The following RXFP1 variants were observed in gnomAD, a reference collection of about 807,000 sequenced individuals.
RXFP1 encodes relaxin family peptide receptor 1.
Under a neutral mutation model 89.8 loss-of-function variants are expected in RXFP1, and 73 were observed. The ratio of observed to expected loss-of-function variants is 0.81; its 90% confidence interval spans 0.67 to 0.99. The LOEUF is 0.99. RXFP1 is among the 50% of genes least tolerant of loss of function. The pLI, the probability that RXFP1 is intolerant of heterozygous loss-of-function variation, is 0.00. For synonymous variants in RXFP1, 277 were observed against 305.5 expected (o/e 0.91, Z 0.97); for missense variants, 793 against 895.5 (o/e 0.89, Z 1.46).
intron 13 of RXFP1, among the ~76,000 whole-genome samples, chr4:158,638,893 T>A (rs903764194): frequency 6.6e-6 from 1 of 152,030 alleles, no homozygotes. Flanking sequence ...AGAAAAAAAT[T>A]TATTAATTAA....
In RXFP1 at chr4:158,559,459, G is replaced by A. The variant is rs891716207; in HGVS notation, c.50-13239G>A. Among the ~76,000 whole-genome samples, 4 of 152,048 alleles carry A rather than the reference G, an allele frequency of 2.6e-5. No homozygotes were observed. In the East Asian group the frequency reaches 7.7e-4, roughly 29 times the overall value. On this transcript the variant is annotated intron_variant, in intron 1 of 17. Transcript: ENST00000307765. Reference sequence around the variant, plus strand: ...CTTAAGCTCAAAAAATTTACTGAAGGTCACAGATCTAGAAAGGTGACAAAT... The same window carrying A: ...CTTAAGCTCAAAAAATTTACTGAAGATCACAGATCTAGAAAGGTGACAAAT...
At chr4:158,632,055 A>G (rs770676527) in intron 11 of RXFP1, among the ~76,000 whole-genome samples, 6 of 152,152 alleles carry the variant, frequency 3.9e-5, no homozygotes, top group Admixed American at 6.5e-5. Context: ...GTGCCACTGC[A>G]CTCACACAAT....
chr4:158,643,705 G>A (rs539340252), intron 14 of RXFP1, among the ~76,000 whole-genome samples: 25 of 151,732 alleles, frequency 1.6e-4, no homozygotes, highest in African/African-American at 6.0e-4. Context: ...TCTCCTGACT[G>A]CGTGATCCAC....
At chr4:158,524,395 T>C (rs1396220696) in intron 1 of RXFP1, among the ~76,000 whole-genome samples, 1 of 152,206 alleles carries the variant, frequency 6.6e-6, no homozygotes, top group African/African-American at 2.4e-5. Flanking sequence ...GTGACCATGC[T>C]TTATTCACCT....
At chr4:158,554,780 G>C (rs1750912197) in intron 1 of RXFP1, among the ~76,000 whole-genome samples, 1 of 152,004 alleles carries the variant, frequency 6.6e-6, no homozygotes, top group Non-Finnish European at 1.5e-5. Context: ...TCAAATGCTG[G>C]AAATAAGTCA....
rs769641064 is a variant in RXFP1, at chr4:158,645,004, C to T, written c.1211C>T (p.Ala404Val). 1.9e-6 allele frequency: 3 copies of T among 1,614,074 alleles called. No homozygotes were observed. The highest frequency in any genetic ancestry group is 1.1e-5 in the South Asian group (1 of 91,084). ...DGISSLENLL[A>V]SIIQRVFVWV... The stretch of plus-strand genomic sequence containing the variant: ...ATTTCATCTCTAGAGAATCTCTTGG[C>T]AAGCATTATTCAGAGAGTATTTGTC... The change falls in exon 15 of 18, where the codon GCA (alanine) becomes GTA (valine). Residue 404 changes from alanine (A) to valine (V), a missense_variant. Physicochemically the swap from Ala to Val is moderately conservative, Grantham distance 64. Coordinates refer to ENST00000307765, the MANE Select transcript of RXFP1 (RefSeq NM_021634.4).
At chr4:158,571,493 C>T (rs1209458116) in intron 1 of RXFP1, among the ~76,000 whole-genome samples, 1 of 152,070 alleles carries the variant, frequency 6.6e-6, no homozygotes, top group Non-Finnish European at 1.5e-5. Context: ...ATGGTAAAAC[C>T]TCGTCTCTAC....
At chr4:158,580,171 A>T (rs187969110) in intron 2 of RXFP1, among the ~76,000 whole-genome samples, 7 of 152,158 alleles carry the variant, frequency 4.6e-5, no homozygotes, top group Non-Finnish European at 7.4e-5. Flanking sequence ...GGCTCTAAAC[A>T]TTAGCAGTGG....
At chr4:158,637,553 T>A (rs773347200) in intron 12 of RXFP1, among the ~76,000 whole-genome samples, 40 of 152,196 alleles carry the variant, frequency 2.6e-4, no homozygotes, top group Non-Finnish European at 5.3e-4. Flanking sequence ...AAATGTCTAT[T>A]CAAGCCCTTT....
intron 4 of RXFP1, among the ~76,000 whole-genome samples, chr4:158,603,508 C>CT (rs757823268): frequency 6.6e-6 from 1 of 151,830 alleles, no homozygotes; most frequent in Non-Finnish European, 1.5e-5. Context: ...TGATTTTTAA[C>CT]TTTTTTTCTT....
At chr4:158,594,620 A>AT (rs1729530302) in intron 3 of RXFP1, among the ~76,000 whole-genome samples, 1 of 151,514 alleles carries the variant, frequency 6.6e-6, no homozygotes, top group Non-Finnish European at 1.5e-5. Context: ...GTTTTGTTTT[A>AT]TTTTTCATCT....
intron 3 of RXFP1, 155 bp from the exon 4 acceptor site, chr4:158,599,171 C>A (rs955104549): frequency 1.6e-5 from 19 of 1,193,538 alleles, no homozygotes; most frequent in Non-Finnish European, 2.2e-5. Flanking sequence ...AACTTTGGAG[C>A]CTTAATTTAA....
At chr4:158,525,509 A>G (rs753920517) in intron 1 of RXFP1, among the ~76,000 whole-genome samples, 3 of 152,236 alleles carry the variant, frequency 2.0e-5, no homozygotes, top group Non-Finnish European at 2.9e-5. Flanking sequence ...TTTATGAACT[A>G]AATAGTCTTT....
chr4:158,551,995 C>T (rs1750256126), intron 1 of RXFP1, among the ~76,000 whole-genome samples: 1 of 152,158 alleles, frequency 6.6e-6, no homozygotes, highest in South Asian at 2.1e-4. Context: ...ACTCAAAAAA[C>T]AGAAAAGTAT....
chr4:158,623,763 G>A lies in RXFP1; in HGVS notation c.756-3057G>A, dbSNP rs180833382. ...TGACTAGGGAGGTCGAAGTATTACA[G>A]TGTAGAACTTCAGGAAAATCTCCTT... On this transcript the variant is annotated intron_variant, in intron 9 of 17. Transcript: ENST00000307765. Among the ~76,000 whole-genome samples, 14 of 152,226 alleles carry A rather than the reference G, an allele frequency of 9.2e-5. No individual in the cohort carries two copies. The East Asian group carries it at 2.3e-3, about 25-fold the overall frequency.
Position 158,568,413 on chromosome 4 carries a change from G to C in RXFP1, c.50-4285G>C, listed in dbSNP as rs73860526. Among the ~76,000 whole-genome samples the C allele has an allele frequency of 3.4e-3, 516 of 152,344 alleles. 1 individual carries two copies. Among genetic ancestry groups the C allele is most frequent in the African/African-American group, 0.012 (488 of 41,574 alleles). ...AAAGAGCTGCATGAAAACACAGGCA[G>C]GTATGGCCAGTTAAAACATCTTCAA... On this transcript the variant is annotated intron_variant, in intron 1 of 17. Transcript: ENST00000307765.
intron 1 of RXFP1, chr4:158,544,118 A>G (rs1579465326): frequency 7.1e-6 from 7 of 980,284 alleles, no homozygotes; most frequent in African/African-American, 7.0e-5. Context: ...TTTTTAATTT[A>G]CTTCCTAAAT....
At chr4:158,618,550 A>G (rs906164823) in intron 9 of RXFP1, among the ~76,000 whole-genome samples, 2 of 152,066 alleles carry the variant, frequency 1.3e-5, no homozygotes, top group Non-Finnish European at 2.9e-5. Flanking sequence ...TATTATCCTG[A>G]TTTTAATTCT....
chr4:158,637,991 CT>C lies in RXFP1; in HGVS notation c.972-10del, dbSNP rs35818367. On this transcript the variant is annotated splice_polypyrimidine_tract_variant and intron_variant, in intron 12 of 17. Transcript: ENST00000307765. The stretch of plus-strand genomic sequence containing the variant: ...AGTTTTTAGAAATGACCTATTGCTG[CT>C]TTTTTTAAAAAACAGGAATCTTTCC... The C allele has an allele frequency of 1.3e-6, 2 of 1,535,812 alleles. No individual in the cohort carries two copies. Among genetic ancestry groups the C allele is most frequent in the South Asian group, 1.1e-5 (1 of 88,276 alleles).
Sources: allele counts gnomAD v4.1 joint callset (sites outside exome capture counted in the v4.1 genomes callset), GRCh38; gene constraint gnomAD v4.1.1; transcripts MANE v1.5; gene names NCBI Gene and HGNC (gene_info 2026-07-23, HGNC 2026-07-21).